The following NBAS variants were observed in gnomAD, a reference collection of about 807,000 sequenced individuals.
NBAS encodes NBAS subunit of NRZ tethering complex.
A neutral mutation model predicts 302.5 loss-of-function variants in NBAS; 219 were observed. That is an observed-to-expected ratio of 0.72 (90% CI 0.65 to 0.81). The LOEUF (loss-of-function observed/expected upper bound fraction) is 0.81, where lower values mean the gene tolerates loss of function less well. Among genes scored for constraint, NBAS ranks in the 30% least tolerant of loss-of-function variants. The pLI is 0.00. For missense variants in NBAS, 2,932 were observed against 2,841.6 expected (o/e 1.03, Z -0.72); for synonymous variants, 1,118 against 1,021.6 (o/e 1.09, Z -1.80).
chr2:15,311,451 G>T (rs1671271821), intron 38 of NBAS, among the ~76,000 whole-genome samples: 4 of 152,046 alleles, frequency 2.6e-5, no homozygotes. Flanking sequence ...CTTTTCTTCA[G>T]TTACAACATG....
At chr2:14,935,124 C>T in the NBAS span, among the ~76,000 whole-genome samples, 1 of 152,118 alleles carries the variant, frequency 6.6e-6, no homozygotes, top group Non-Finnish European at 1.5e-5. Flanking sequence ...TACTTTATGT[C>T]CTGCACCATT....
intron 17 of NBAS, among the ~76,000 whole-genome samples, chr2:15,468,149 G>T (rs917091101): frequency 1.6e-5 from 2 of 122,006 alleles, no homozygotes; most frequent in African/African-American, 5.9e-5. Context: ...TCAAATGGTA[G>T]TGTCAGTCTC....
chr2:15,109,300 C>A, the NBAS span, among the ~76,000 whole-genome samples: 7 of 152,222 alleles, frequency 4.6e-5, no homozygotes, highest in Non-Finnish European at 1.0e-4. Flanking sequence ...AGCATTAAAG[C>A]AGCAACAACC....
chr2:15,294,244 A>G (rs1369755311), intron 40 of NBAS, among the ~76,000 whole-genome samples: 1 of 152,202 alleles, frequency 6.6e-6, no homozygotes, highest in African/African-American at 2.4e-5. Flanking sequence ...GTTAATGTCT[A>G]GGTTAAATAC....
At chr2:15,455,191 CCG>C (rs1679195845) in intron 21 of NBAS, among the ~76,000 whole-genome samples, 1 of 152,178 alleles carries the variant, frequency 6.6e-6, no homozygotes, top group Non-Finnish European at 1.5e-5. Flanking sequence ...GCGTGAGCCA[CCG>C]CACCCGGCCG....
the NBAS span, among the ~76,000 whole-genome samples, chr2:15,073,231 C>A: frequency 4.8e-4 from 73 of 152,326 alleles, no homozygotes; most frequent in Middle Eastern, 3.4e-3. Context: ...GTAATCCCAA[C>A]ACTTTGGGAA....
chr2:15,008,356 T>C, the NBAS span, among the ~76,000 whole-genome samples: 1 of 152,208 alleles, frequency 6.6e-6, no homozygotes, highest in South Asian at 2.1e-4. Flanking sequence ...GTTAATTCAC[T>C]AGATTAGTCT....
chr2:15,443,219 A>G (rs1678532531), intron 21 of NBAS, among the ~76,000 whole-genome samples: 2 of 152,098 alleles, frequency 1.3e-5, no homozygotes, highest in Non-Finnish European at 2.9e-5. Flanking sequence ...TTTTAGACCA[A>G]TATCCTTGAT....
intron 26 of NBAS, among the ~76,000 whole-genome samples, 155 bp downstream of exon 26, chr2:15,402,013 C>A (rs1014805592): frequency 2.0e-5 from 3 of 151,988 alleles, no homozygotes; most frequent in Non-Finnish European, 2.9e-5. Flanking sequence ...AAATGTTTAT[C>A]CTAGGCAATA....
Position 15,276,879 on chromosome 2 carries a change from C to T in NBAS, c.5361G>A (p.Leu1787=), listed in dbSNP as rs952287805. Reference sequence around the variant, plus strand: ...ATGCAACAACCTTAAACTTCTTCAGCAGTCGAATGTGGGTTTCTGGTTTAA... The same window carrying T: ...ATGCAACAACCTTAAACTTCTTCAGTAGTCGAATGTGGGTTTCTGGTTTAA... The part of the protein sequence containing the change: ...CAIKPETHIR[L]LKKFKVVASG... Residue 1787 remains leucine, a synonymous_variant, in exon 43 of 52, where the codon CTG becomes CTA. Coordinates refer to ENST00000281513, the MANE Select transcript of NBAS (RefSeq NM_015909.4). 11 of 1,613,938 alleles carry T rather than the reference C, an allele frequency of 6.8e-6. No individual in the cohort carries two copies. In the African/African-American group the frequency reaches 1.3e-4, roughly 20 times the overall value.
intron 44 of NBAS, among the ~76,000 whole-genome samples, chr2:15,261,586 A>G (rs1391726085): frequency 2.0e-5 from 3 of 152,188 alleles, no homozygotes; most frequent in Non-Finnish European, 2.9e-5. Context: ...AACCACAGAA[A>G]TAGTATTACT....
the NBAS span, among the ~76,000 whole-genome samples, chr2:14,950,024 T>C: frequency 6.6e-6 from 1 of 152,180 alleles, no homozygotes; most frequent in Non-Finnish European, 1.5e-5. Context: ...TTGTACATAC[T>C]TTTGCATTAG....
the NBAS span, among the ~76,000 whole-genome samples, chr2:14,855,152 G>A: frequency 6.6e-6 from 1 of 152,198 alleles, no homozygotes; most frequent in South Asian, 2.1e-4. Flanking sequence ...TAGAAAACAT[G>A]TCTAGACACA....
At chr2:15,246,475 C>T (rs1050683589) in intron 44 of NBAS, among the ~76,000 whole-genome samples, 8 of 152,114 alleles carry the variant, frequency 5.3e-5, no homozygotes, top group East Asian at 1.9e-4. Flanking sequence ...GATCAACATA[C>T]GGAGAAAACA....
chr2:15,557,774 G>A lies in NBAS; in HGVS notation c.172+806C>T, dbSNP rs75457919. On this transcript the variant is annotated intron_variant, in intron 2 of 51. Transcript: ENST00000281513. ...TTATCTAAAATCATAAAGGAGTAAC[G>A]GCACCTTTCTGGTCTGATAAAAGGA... 4.5e-3 allele frequency among the ~76,000 whole-genome samples: 682 copies of A among 152,180 alleles called. 9 individuals are homozygous for A. The highest frequency in any genetic ancestry group is 0.015 in the African/African-American group (641 of 41,508).
chr2:14,843,995 A>T, the NBAS span, among the ~76,000 whole-genome samples: 2 of 152,138 alleles, frequency 1.3e-5, no homozygotes, highest in Admixed American at 6.5e-5. Flanking sequence ...CTTCTGTGTG[A>T]GTCCTAGGGC....
At chr2:15,102,440 A>G in the NBAS span, among the ~76,000 whole-genome samples, 4 of 152,180 alleles carry the variant, frequency 2.6e-5, no homozygotes, top group African/African-American at 4.8e-5. Context: ...TCATATATTC[A>G]TTTAGCAAAT....
chr2:15,185,305 C>T (rs188523920), intron 50 of NBAS, among the ~76,000 whole-genome samples: 14 of 152,258 alleles, frequency 9.2e-5, no homozygotes, highest in Non-Finnish European at 1.9e-4. Context: ...TGTTGGTTAT[C>T]ACCATTACCA....
the NBAS span, among the ~76,000 whole-genome samples, chr2:15,030,694 C>T: frequency 2.0e-5 from 3 of 152,306 alleles, no homozygotes; most frequent in African/African-American, 2.4e-5. Flanking sequence ...ATTAATACAG[C>T]TTTTGGCAGT....
Sources: allele counts gnomAD v4.1 joint callset (sites outside exome capture counted in the v4.1 genomes callset), GRCh38; gene constraint gnomAD v4.1.1; transcripts MANE v1.5; gene names NCBI Gene and HGNC (gene_info 2026-07-23, HGNC 2026-07-21).